Variants in KIRREL3 observed in about 807,000 individuals in gnomAD.
The protein encoded by KIRREL3 is kin of IRRE-like protein 3.
A neutral mutation model predicts 89.7 loss-of-function variants in KIRREL3; 36 were observed. The observed-to-expected ratio is 0.40, with a 90% CI of 0.31 to 0.53. KIRREL3 has a LOEUF of 0.53. Ranked by LOEUF, KIRREL3 falls within the 20% of genes least tolerant of loss-of-function variation. KIRREL3 has a pLI of 0.49. For missense variants in KIRREL3, 864 were observed against 1,056.6 expected (o/e 0.82, Z 2.53); for synonymous variants, 445 against 441.4 (o/e 1.01, Z -0.10).
chr11:126,979,967 A>T (rs1012779272), intron 1 of KIRREL3, among the ~76,000 whole-genome samples: 3 of 152,190 alleles, frequency 2.0e-5, no homozygotes, highest in African/African-American at 4.8e-5. Context: ...TCCTTATAGG[A>T]CTTACCATTG....
Position 126,769,782 on chromosome 11 carries a change from C to T in KIRREL3, c.56-206870G>A, listed in dbSNP as rs556151164. Among the ~76,000 whole-genome samples the T allele has an allele frequency of 3.3e-5, 5 of 152,230 alleles. No individual in the cohort carries two copies. The highest frequency in any genetic ancestry group is 2.1e-4 in the South Asian group (1 of 4,816). On this transcript the variant is annotated intron_variant, in intron 1 of 16. Coordinates refer to ENST00000525144, the MANE Select transcript of KIRREL3 (RefSeq NM_032531.4). This position sits in a 1 kb window ranked among gnomAD's most constrained non-coding sequence, Gnocchi z 4.3. ...TTCCAGCTGGGGTTCTGGAATCAGA[C>T]GACGCAGATATGGGTCTGAATATTG... is the stretch of plus-strand genomic sequence containing the variant.
rs1565588439 is a variant in KIRREL3 at position 126,607,454 on chromosome 11, T to G, written c.56-44542A>C. Among the ~76,000 whole-genome samples, 1 of 152,196 alleles carries G rather than the reference T, an allele frequency of 6.6e-6. No individual in the cohort carries two copies. Among genetic ancestry groups the G allele is most frequent in the East Asian group, 1.9e-4 (1 of 5,160 alleles). On this transcript the variant is annotated intron_variant, in intron 1 of 16. Transcript: ENST00000525144. This position sits in a 1 kb window ranked among gnomAD's most constrained non-coding sequence, Gnocchi z 6.6. ...GCTCCGAGCTGACTCTCGGTGACCA[T>G]GACCACCTCCTTCCACTGGAGGGAG...
chr11:126,952,467 G>C (rs891521014), intron 1 of KIRREL3, among the ~76,000 whole-genome samples: 8 of 151,908 alleles, frequency 5.3e-5, no homozygotes, highest in African/African-American at 1.9e-4. Flanking sequence ...GTTCTTTGTA[G>C]ATTCTAGATA....
chr11:126,915,915 A>G (rs1284806305), intron 1 of KIRREL3, among the ~76,000 whole-genome samples: 2 of 152,226 alleles, frequency 1.3e-5, no homozygotes, highest in Non-Finnish European at 1.5e-5. Flanking sequence ...CAAAGGTTCC[A>G]GTCTGTATAT....
In KIRREL3 at chr11:126,576,909, T is replaced by C. The variant is rs947839091; in HGVS notation, c.56-13997A>G. ...TGGGCACTTTACACACACACAGTTA[T>C]GCCATTTAGTCCACACTGTAACTGG... On this transcript the variant is annotated intron_variant, in intron 1 of 16. Transcript: ENST00000525144. The surrounding 1 kb of genome is among the most constrained non-coding windows in gnomAD (Gnocchi z 5.4). 3.9e-5 allele frequency among the ~76,000 whole-genome samples: 6 copies of C among 152,190 alleles called. No homozygotes were observed. The highest frequency in any genetic ancestry group is 5.9e-5 in the Non-Finnish European group (4 of 68,046).
intron 2 of KIRREL3, among the ~76,000 whole-genome samples, chr11:126,543,082 CT>C (rs1166581877): frequency 6.6e-6 from 1 of 152,182 alleles, no homozygotes; most frequent in African/African-American, 2.4e-5. Flanking sequence ...TGAATATACC[CT>C]CCCAATTCTG....
rs78492059 is a variant in KIRREL3 at position 126,970,007 on chromosome 11, C to T, written c.55+30448G>A. ...TATGACTCTATCTGAGTTAAGACAA[C>T]GCAATACGAAAGAAAATCTGGCTAA... On this transcript the variant is annotated intron_variant, in intron 1 of 16. Transcript: ENST00000525144. This position sits in a 1 kb window ranked among gnomAD's most constrained non-coding sequence, Gnocchi z 4.4. 0.022 allele frequency among the ~76,000 whole-genome samples: 3,353 copies of T among 152,216 alleles called. 64 individuals are homozygous for T. Among genetic ancestry groups the T allele is most frequent in the Middle Eastern group, 0.065 (19 of 294 alleles).
At position 126,903,633 on chromosome 11, in the gene KIRREL3, A is replaced by ACAAT. The variant is rs1946460129; in HGVS notation, c.55+96821_55+96822insATTG. On this transcript the variant is annotated intron_variant, in intron 1 of 16. Transcript: ENST00000525144. This position sits in a 1 kb window ranked among gnomAD's most constrained non-coding sequence, Gnocchi z 4.5. The stretch of plus-strand genomic sequence containing the variant: ...CAAAAAAGCTGTAGCCTCTTTGCTG[A>ACAAT]GCTCCTGGAGACATTTGGTCTATTG... Among the ~76,000 whole-genome samples, 1 of 152,216 alleles carries ACAAT rather than the reference A, an allele frequency of 6.6e-6. No homozygotes were observed. The highest frequency in any genetic ancestry group is 6.5e-5 in the Admixed American group (1 of 15,276).
At position 126,563,421 on chromosome 11, in the gene KIRREL3, C is replaced by T. The variant is rs998483124; in HGVS notation, c.56-509G>A. Among the ~76,000 whole-genome samples, 10 of 152,116 alleles carry T rather than the reference C, an allele frequency of 6.6e-5. No homozygotes were observed. The highest frequency in any genetic ancestry group is 1.9e-4 in the East Asian group (1 of 5,192). ...GTGACTCAGGAGGATGAAGTGATTG[C>T]GTGAGTTTAGGGCAGCGGGGCGACA... On this transcript the variant is annotated intron_variant, in intron 1 of 16. Coordinates refer to ENST00000525144, the MANE Select transcript of KIRREL3 (RefSeq NM_032531.4). The surrounding 1 kb of genome is among the most constrained non-coding windows in gnomAD (Gnocchi z 6.8).
At chr11:126,873,745 C>T (rs1367225935) in intron 1 of KIRREL3, among the ~76,000 whole-genome samples, 2 of 152,206 alleles carry the variant, frequency 1.3e-5, no homozygotes, top group Non-Finnish European at 2.9e-5. Flanking sequence ...TCTGTCCAGC[C>T]TCATCCATAC....
rs190492206 is a variant in KIRREL3, at chr11:126,686,959, T to C, written c.56-124047A>G. Among the ~76,000 whole-genome samples the C allele has an allele frequency of 6.6e-6, 1 of 152,086 alleles. No homozygotes were observed. The highest frequency in any genetic ancestry group is 1.5e-5 in the Non-Finnish European group (1 of 68,008). The stretch of plus-strand genomic sequence containing the variant: ...GAAGGTCACATTGAGAAGAGTCAAA[T>C]TCAGAAGGCCTGACAGAGATGACAT... On this transcript the variant is annotated intron_variant, in intron 1 of 16. Transcript: ENST00000525144. The surrounding 1 kb of genome is among the most constrained non-coding windows in gnomAD (Gnocchi z 4.7).
At position 126,521,478 on chromosome 11, in the gene KIRREL3, A is replaced by G; in HGVS notation, c.284-14T>C. On this transcript the variant is annotated splice_polypyrimidine_tract_variant and intron_variant, in intron 3 of 16. Coordinates refer to ENST00000525144, the MANE Select transcript of KIRREL3 (RefSeq NM_032531.4). This position sits in a 1 kb window ranked among gnomAD's most constrained non-coding sequence, Gnocchi z 4.1. ...ACTGTGGGTAACCTGTGGAGACAAC[A>G]GGCAGGTCAGGGAGCTGGGGTGGGG... 1 of 1,575,946 alleles carries G rather than the reference A, an allele frequency of 6.3e-7. No homozygotes were observed.
chr11:126,534,018 G>A (rs1007337834), intron 2 of KIRREL3, among the ~76,000 whole-genome samples: 6 of 152,092 alleles, frequency 3.9e-5, no homozygotes, highest in African/African-American at 1.4e-4. Flanking sequence ...GGAGGCAAGG[G>A]TGGACTTTTA....
In KIRREL3 at chr11:126,705,020, T is replaced by A. The variant is rs1478252657; in HGVS notation, c.56-142108A>T. ...CTTGGGTCAGAACTGTATTTGTGGG[T>A]GGTAAATTTATATCTTACCCACTGA... On this transcript the variant is annotated intron_variant, in intron 1 of 16. Transcript: ENST00000525144. This position sits in a 1 kb window ranked among gnomAD's most constrained non-coding sequence, Gnocchi z 4.3. Among the ~76,000 whole-genome samples the A allele has an allele frequency of 6.6e-6, 1 of 152,196 alleles. No individual in the cohort carries two copies. Among genetic ancestry groups the A allele is most frequent in the East Asian group, 1.9e-4 (1 of 5,194 alleles).
At chr11:126,980,311 G>A (rs1360986210) in intron 1 of KIRREL3, among the ~76,000 whole-genome samples, 1 of 152,204 alleles carries the variant, frequency 6.6e-6, no homozygotes, top group East Asian at 1.9e-4. Context: ...GAGAGATGGT[G>A]CCAGACAGAA....
rs1942892487 is a variant in KIRREL3 at position 126,606,443 on chromosome 11, G to A, written c.56-43531C>T. 6.6e-6 allele frequency among the ~76,000 whole-genome samples: 1 copy of A among 152,152 alleles called. No homozygotes were observed. Among genetic ancestry groups the A allele is most frequent in the African/African-American group, 2.4e-5 (1 of 41,438 alleles). ...GCAGATTATGACATGTACATCCTTT[G>A]GAACACAGACCCAATAAATGTTAAG... On this transcript the variant is annotated intron_variant, in intron 1 of 16. Coordinates refer to ENST00000525144, the MANE Select transcript of KIRREL3 (RefSeq NM_032531.4). The surrounding 1 kb of genome is among the most constrained non-coding windows in gnomAD (Gnocchi z 4.6).
intron 1 of KIRREL3, among the ~76,000 whole-genome samples, chr11:126,690,669 G>A (rs939062567): frequency 6.6e-6 from 1 of 152,248 alleles, no homozygotes; most frequent in Non-Finnish European, 1.5e-5. Context: ...AAGAGGGAAT[G>A]CAGGCTTCGC....
rs1055721116 is a variant in KIRREL3 at position 126,575,049 on chromosome 11, T to A, written c.56-12137A>T. On this transcript the variant is annotated intron_variant, in intron 1 of 16. Coordinates refer to ENST00000525144, the MANE Select transcript of KIRREL3 (RefSeq NM_032531.4). The surrounding 1 kb of genome is among the most constrained non-coding windows in gnomAD (Gnocchi z 7.0). Reference sequence around the variant, plus strand: ...AGTCCACAGAGGGTGGTTATGGCAATGTGGAGGAGGCCGGTGGCCCAGGGC... The same window carrying A: ...AGTCCACAGAGGGTGGTTATGGCAAAGTGGAGGAGGCCGGTGGCCCAGGGC... Among the ~76,000 whole-genome samples the A allele has an allele frequency of 4.6e-5, 7 of 152,096 alleles. No individual in the cohort carries two copies. Among genetic ancestry groups the A allele is most frequent in the Non-Finnish European group, 8.8e-5 (6 of 68,004 alleles).
At chr11:126,637,900 T>C (rs1565611042) in intron 1 of KIRREL3, among the ~76,000 whole-genome samples, 2 of 152,150 alleles carry the variant, frequency 1.3e-5, no homozygotes, top group African/African-American at 2.4e-5. Context: ...CCGATGACCA[T>C]TGTACAGTGG....
Sources: allele counts gnomAD v4.1 joint callset (sites outside exome capture counted in the v4.1 genomes callset), GRCh38; gene constraint gnomAD v4.1.1; non-coding constraint Gnocchi (gnomAD v3.1); transcripts MANE v1.5; gene names NCBI Gene and HGNC (gene_info 2026-07-23, HGNC 2026-07-21).